The following ENTHD1 variants were observed in gnomAD, a reference collection of about 807,000 sequenced individuals.
ENTHD1 encodes the protein ENTH domain-containing protein 1.
A neutral mutation model predicts 39.1 loss-of-function variants in ENTHD1; 23 were observed. The ratio of observed to expected loss-of-function variants is 0.59; its 90% confidence interval spans 0.42 to 0.83. ENTHD1 has a LOEUF of 0.83. Among genes scored for constraint, ENTHD1 ranks in the 40% least tolerant of loss-of-function variants. The pLI, the probability that ENTHD1 is intolerant of heterozygous loss-of-function variation, is 0.00. For synonymous variants in ENTHD1, 230 were observed against 258.2 expected, an observed-to-expected ratio of 0.89 and a Z score of 1.05; for missense variants, 624 against 705.4, an observed-to-expected ratio of 0.88 and a Z score of 1.31.
rs3044403 is a variant in ENTHD1 at position 39,784,543 on chromosome 22, T to TACACACACACACACACAC, written c.833-18952_833-18935dup. Among the ~76,000 whole-genome samples the TACACACACACACACACAC allele has an allele frequency of 1.0e-3, 147 of 142,348 alleles. 1 individual carries two copies. The highest frequency in any genetic ancestry group is 3.6e-3 in the African/African-American group (135 of 38,010). 93.4% of individuals were successfully genotyped at this position (142,348 alleles called of 152,430 possible). ...AAAATGCGCTCTCTCTCTCTCTGTA[T>TACACACACACACACACAC]ACACACACACACACACACACACACA... On this transcript the variant is annotated intron_variant, in intron 5 of 6. Coordinates refer to ENST00000325157, the MANE Select transcript of ENTHD1 (RefSeq NM_152512.4).
chr22:39,841,026 C>G (rs1156325581), intron 3 of ENTHD1, among the ~76,000 whole-genome samples: 1 of 152,116 alleles, frequency 6.6e-6, no homozygotes, highest in African/African-American at 2.4e-5. Context: ...AGGTGTGAGC[C>G]ACCGCGCCTG....
chr22:39,887,666 T>C lies in ENTHD1; in HGVS notation c.83A>G (p.Asp28Gly). ...EIKVREATSN[D>G]PWGPSSSLML... ...CAGAGAACTAGAGGGACCCCAAGGG[T>C]CGTTAGAAGTTGCTTCCCTGACTTT... Residue 28 changes from aspartate to glycine, a missense_variant, in exon 2 of 7, where the codon GAC becomes GGC. Coordinates refer to ENST00000325157, the MANE Select transcript of ENTHD1 (RefSeq NM_152512.4). 6.2e-7 allele frequency: 1 copy of C among 1,602,522 alleles called. No individual in the cohort carries two copies. The highest frequency in any genetic ancestry group is 8.5e-7 in the Non-Finnish European group (1 of 1,176,402).
At chr22:39,817,590 C>A (rs141246385) in intron 5 of ENTHD1, among the ~76,000 whole-genome samples, 3 of 152,028 alleles carry the variant, frequency 2.0e-5, no homozygotes, top group African/African-American at 7.2e-5. Context: ...GTTCACTCTG[C>A]GGAGGGGACT....
chr22:39,837,405 A>C (rs1026406352), intron 3 of ENTHD1, among the ~76,000 whole-genome samples: 2 of 152,012 alleles, frequency 1.3e-5, no homozygotes, highest in Non-Finnish European at 1.5e-5. Context: ...CTAATAATCA[A>C]TTTTCTCCCA....
chr22:39,841,525 T>A, intron 3 of ENTHD1, among the ~76,000 whole-genome samples: 1 of 151,000 alleles, frequency 6.6e-6, no homozygotes, highest in African/African-American at 2.4e-5. Flanking sequence ...TTTGTTGGTT[T>A]AAAGTCTGTT....
chr22:39,881,428 T>G (rs1227813502), intron 2 of ENTHD1, among the ~76,000 whole-genome samples: 5 of 152,122 alleles, frequency 3.3e-5, no homozygotes, highest in Non-Finnish European at 7.4e-5. Context: ...TAAGGAAAAA[T>G]GCGTTGAGAA....
At chr22:39,876,213 A>T (rs1241924347) in intron 2 of ENTHD1, 10 of 1,291,144 alleles carry the variant, frequency 7.7e-6, no homozygotes, top group South Asian at 3.1e-5. Context: ...GATTTGAAAT[A>T]TGTAAGAATT....
At chr22:39,875,824 T>G in intron 2 of ENTHD1, 2 of 1,613,810 alleles carry the variant, frequency 1.2e-6, no homozygotes, top group Non-Finnish European at 1.7e-6. Context: ...TTGTACGTCA[T>G]AGAACCCAGA....
intron 3 of ENTHD1, among the ~76,000 whole-genome samples, chr22:39,841,718 A>G (rs1450574991): frequency 6.7e-6 from 1 of 150,372 alleles, no homozygotes; most frequent in Non-Finnish European, 1.5e-5. Context: ...TTTTAATTGG[A>G]GCATTTAGTC....
At chr22:39,859,758 A>G (rs2066124651) in intron 3 of ENTHD1, among the ~76,000 whole-genome samples, 1 of 152,218 alleles carries the variant, frequency 6.6e-6, no homozygotes, top group South Asian at 2.1e-4. Context: ...AGTTAAAAAT[A>G]TTGCAAGAAC....
At chr22:39,845,409 G>A (rs2065978767) in intron 3 of ENTHD1, among the ~76,000 whole-genome samples, 2 of 152,172 alleles carry the variant, frequency 1.3e-5, no homozygotes, top group Non-Finnish European at 2.9e-5. Context: ...ACAGTGCCTA[G>A]TGAGAGCTGC....
chr22:39,813,060 G>A (rs529629638), intron 5 of ENTHD1, among the ~76,000 whole-genome samples: 1 of 152,192 alleles, frequency 6.6e-6, no homozygotes, highest in Non-Finnish European at 1.5e-5. Context: ...TGGGATTATA[G>A]GTGTGAGACA....
chr22:39,828,686 C>T (rs2065844178), intron 4 of ENTHD1, among the ~76,000 whole-genome samples: 1 of 152,170 alleles, frequency 6.6e-6, no homozygotes, highest in African/African-American at 2.4e-5. Context: ...CCAAAAACAT[C>T]ACAACCTCAT....
chr22:39,867,780 C>A lies in ENTHD1; in HGVS notation c.350-5773G>T, dbSNP rs949307655. Among the ~76,000 whole-genome samples, 1 of 151,950 alleles carries A rather than the reference C, an allele frequency of 6.6e-6. No homozygotes were observed. Among genetic ancestry groups the A allele is most frequent in the African/African-American group, 2.4e-5 (1 of 41,336 alleles). The stretch of plus-strand genomic sequence containing the variant: ...TGCACTCCAGCCTGGGCGATGAGAG[C>A]ACAACTCCGTCTCAAAAAAAAAATC... On this transcript the variant is annotated intron_variant, in intron 2 of 6. Transcript: ENST00000325157. This position sits in a 1 kb window ranked among gnomAD's most constrained non-coding sequence, Gnocchi z 4.5.
At chr22:39,771,226 G>A (rs999773084) in intron 5 of ENTHD1, among the ~76,000 whole-genome samples, 1 of 152,144 alleles carries the variant, frequency 6.6e-6, no homozygotes, top group Admixed American at 6.6e-5. Flanking sequence ...ATTAAAAAAT[G>A]TAAAGAAACC....
At chr22:39,865,626 A>G (rs1468310337) in intron 2 of ENTHD1, among the ~76,000 whole-genome samples, 1 of 152,234 alleles carries the variant, frequency 6.6e-6, no homozygotes, top group Non-Finnish European at 1.5e-5. Flanking sequence ...GAAAACATGG[A>G]TTCTCTGAAA....
intron 5 of ENTHD1, among the ~76,000 whole-genome samples, chr22:39,768,690 G>C (rs914642373): frequency 1.3e-5 from 2 of 151,878 alleles, no homozygotes; most frequent in African/African-American, 4.8e-5. Context: ...GCATATAGGA[G>C]GTGTCAAATG....
intron 2 of ENTHD1, among the ~76,000 whole-genome samples, chr22:39,871,102 G>A (rs1342686657): frequency 1.3e-5 from 2 of 151,704 alleles, no homozygotes; most frequent in East Asian, 3.8e-4. Flanking sequence ...CCCAGGAGTT[G>A]GAAGCTGCAG....
At chr22:39,807,317 C>G (rs2065650553) in intron 5 of ENTHD1, among the ~76,000 whole-genome samples, 1 of 152,138 alleles carries the variant, frequency 6.6e-6, no homozygotes, top group Non-Finnish European at 1.5e-5. Flanking sequence ...CATGGCTTAT[C>G]CTACGTGCCA....
Sources: gnomAD v4.1 joint callset for allele counts (sites outside exome capture counted in the v4.1 genomes callset) on GRCh38, gnomAD v4.1.1 for gene constraint, Gnocchi (gnomAD v3.1) non-coding constraint, MANE v1.5 for transcripts, NCBI Gene and HGNC (gene_info 2026-07-23, HGNC 2026-07-21) for gene names.